Variants in CSRNP3 observed in about 807,000 individuals in gnomAD.
The protein encoded by CSRNP3 is cysteine/serine-rich nuclear protein 3.
A neutral mutation model predicts 48.0 loss-of-function variants in CSRNP3; 12 were observed. The observed-to-expected ratio is 0.25, with a 90% CI of 0.16 to 0.41. The LOEUF (loss-of-function observed/expected upper bound fraction) is 0.41, where lower values mean the gene tolerates loss of function less well. Ranked by LOEUF, CSRNP3 falls within the 10% of genes least tolerant of loss-of-function variation. The pLI, the probability that CSRNP3 is intolerant of heterozygous loss-of-function variation, is 1.00. For synonymous variants in CSRNP3, 263 were observed against 269.7 expected (o/e 0.98, Z 0.24); for missense variants, 580 against 724.4 (o/e 0.80, Z 2.29).
chr2:165,576,432 C>T (rs1347723300), intron 3 of CSRNP3, among the ~76,000 whole-genome samples: 1 of 151,932 alleles, frequency 6.6e-6, no homozygotes, highest in Non-Finnish European at 1.5e-5. Context: ...TTTGTAAATG[C>T]AACTGCTACC....
intron 4 of CSRNP3, among the ~76,000 whole-genome samples, chr2:165,638,301 A>C (rs1206205536): frequency 6.6e-6 from 1 of 152,164 alleles, no homozygotes; most frequent in Non-Finnish European, 1.5e-5. Context: ...GTCCCTACTA[A>C]AAATACAAAA....
Position 165,679,180 on chromosome 2 carries a change from A to G in CSRNP3, c.1185A>G (p.Glu395=), listed in dbSNP as rs766227533. 26 of 1,613,794 alleles carry G rather than the reference A, an allele frequency of 1.6e-5. No individual in the cohort carries two copies. The highest frequency in any genetic ancestry group is 2.1e-5 in the Non-Finnish European group (25 of 1,179,988). Residue 395 remains glutamate, a synonymous_variant, in exon 7 of 7, where the codon GAA becomes GAG. Transcript: ENST00000651982. ...ATGACAAAGGAGATGGCTTCGTGGA[A>G]GGTTTGGGCACCCATGCCGAAGTTG... ...DDDDKGDGFV[E]GLGTHAEVVP...
chr2:165,616,287 T>C (rs1485299348), intron 4 of CSRNP3, among the ~76,000 whole-genome samples: 2 of 152,194 alleles, frequency 1.3e-5, no homozygotes, highest in Non-Finnish European at 2.9e-5. Context: ...TGTGTTTTGG[T>C]GGTTTTTCTG....
At chr2:165,594,792 T>C (rs888740756) in intron 3 of CSRNP3, among the ~76,000 whole-genome samples, 1 of 152,164 alleles carries the variant, frequency 6.6e-6, no homozygotes, top group African/African-American at 2.4e-5. Context: ...AATAATGATA[T>C]TACATTAAAA....
chr2:165,642,354 AG>A (rs1286373514), intron 4 of CSRNP3, among the ~76,000 whole-genome samples: 2 of 152,200 alleles, frequency 1.3e-5, no homozygotes, highest in African/African-American at 4.8e-5. Context: ...CACTTCATTA[AG>A]CATTCCTTAG....
rs576832915 is a variant in CSRNP3 at position 165,501,140 on chromosome 2, CATTA to C, written c.-113+6215_-113+6218del. 3.3e-5 allele frequency among the ~76,000 whole-genome samples: 5 copies of C among 152,116 alleles called. No individual in the cohort carries two copies. In the South Asian group the frequency reaches 6.2e-4, roughly 19 times the overall value. On this transcript the variant is annotated intron_variant, in intron 2 of 6. Transcript: ENST00000651982. ...TGATTAGGCTTCCCATTATAGTGGT[CATTA>C]ATCAGTTATAATGAAATGCTATGCT...
At chr2:165,530,892 G>A (rs1684801350) in intron 3 of CSRNP3, among the ~76,000 whole-genome samples, 1 of 151,806 alleles carries the variant, frequency 6.6e-6, no homozygotes, top group Non-Finnish European at 1.5e-5. Context: ...TGTATAGTAT[G>A]AGAGATTTCT....
chr2:165,565,269 G>A (rs1326670831), intron 3 of CSRNP3, among the ~76,000 whole-genome samples: 2 of 152,022 alleles, frequency 1.3e-5, no homozygotes, highest in African/African-American at 4.8e-5. Flanking sequence ...GAAAGTCTTA[G>A]AATATCTAAG....
At chr2:165,510,289 CT>C (rs1684484841) in intron 2 of CSRNP3, among the ~76,000 whole-genome samples, 3 of 152,038 alleles carry the variant, frequency 2.0e-5, no homozygotes, top group Admixed American at 2.0e-4. Context: ...TCTTTGGAAA[CT>C]TTTTGTAAGG....
At chr2:165,531,356 C>T (rs938360207) in intron 3 of CSRNP3, among the ~76,000 whole-genome samples, 3 of 152,180 alleles carry the variant, frequency 2.0e-5, no homozygotes, top group Non-Finnish European at 2.9e-5. Context: ...CTAATGACTG[C>T]GGTTGCACAT....
chr2:165,549,370 A>C (rs1685070036), intron 3 of CSRNP3, among the ~76,000 whole-genome samples: 1 of 152,052 alleles, frequency 6.6e-6, no homozygotes, highest in African/African-American at 2.4e-5. Flanking sequence ...GGGTAGTCTA[A>C]TTTGAAAGTT....
intron 1 of CSRNP3, among the ~76,000 whole-genome samples, chr2:165,482,265 C>CTTTTTTTTT (rs5836042): frequency 7.0e-6 from 1 of 143,282 alleles, no homozygotes. Context: ...AAGAGATGTG[C>CTTTTTTTTT]TTTTTTTTTT....
intron 1 of CSRNP3, among the ~76,000 whole-genome samples, chr2:165,492,333 A>G (rs898446728): frequency 6.6e-6 from 1 of 152,282 alleles, no homozygotes; most frequent in African/African-American, 2.4e-5. Context: ...AGTGGCTTTC[A>G]TCTCACTTAG....
At chr2:165,620,366 A>G (rs1686319351) in intron 4 of CSRNP3, among the ~76,000 whole-genome samples, 1 of 152,210 alleles carries the variant, frequency 6.6e-6, no homozygotes, top group Non-Finnish European at 1.5e-5. Flanking sequence ...AATAAAACAT[A>G]TCCACTTAAT....
intron 1 of CSRNP3, among the ~76,000 whole-genome samples, chr2:165,484,242 A>G (rs185639546): frequency 6.6e-6 from 1 of 152,164 alleles, no homozygotes; most frequent in African/African-American, 2.4e-5. Flanking sequence ...ACAGGCATGC[A>G]CCACCACATT....
intron 3 of CSRNP3, among the ~76,000 whole-genome samples, chr2:165,562,200 G>C (rs1685243669): frequency 6.6e-6 from 1 of 152,130 alleles, no homozygotes; most frequent in Non-Finnish European, 1.5e-5. Flanking sequence ...TTAGATAACT[G>C]TGTGCAAAAT....
chr2:165,604,157 T>C (rs1404685967), intron 4 of CSRNP3, among the ~76,000 whole-genome samples: 1 of 152,192 alleles, frequency 6.6e-6, no homozygotes, highest in Non-Finnish European at 1.5e-5. Flanking sequence ...CAAGACATGA[T>C]CCAGTTTCTG....
chr2:165,534,035 C>G (rs1348497841), intron 3 of CSRNP3, among the ~76,000 whole-genome samples: 1 of 151,670 alleles, frequency 6.6e-6, no homozygotes, highest in Non-Finnish European at 1.5e-5. Flanking sequence ...AATTTTGAAG[C>G]AAAAGTAAAG....
At chr2:165,660,900 T>G (rs530763388) in intron 5 of CSRNP3, among the ~76,000 whole-genome samples, 1 of 152,242 alleles carries the variant, frequency 6.6e-6, no homozygotes, top group South Asian at 2.1e-4. Flanking sequence ...TAAAAGATAA[T>G]GACATTTTGA....
Sources: gnomAD v4.1 joint callset for allele counts (sites outside exome capture counted in the v4.1 genomes callset) on GRCh38, gnomAD v4.1.1 for gene constraint, MANE v1.5 for transcripts, NCBI Gene and HGNC (gene_info 2026-07-23, HGNC 2026-07-21) for gene names.